The following RNASEH1 variants were observed in gnomAD, a reference collection of about 807,000 sequenced individuals.
The protein encoded by RNASEH1 is ribonuclease H type II.
In RNASEH1, 27 loss-of-function variants were observed where a neutral mutation model predicts 34.6. The ratio of observed to expected loss-of-function variants is 0.78; its 90% confidence interval spans 0.58 to 1.08. The LOEUF is 1.08. RNASEH1 is among the 50% of genes least tolerant of loss of function. The probability of loss-of-function intolerance (pLI) is 0.00; values close to 1 mark genes in which losing one functional copy is unlikely to be tolerated. For synonymous variants in RNASEH1, 162 were observed against 138.4 expected (o/e 1.17, Z -1.20); for missense variants, 349 against 373.6 (o/e 0.93, Z 0.54).
rs1186132850 is a variant in RNASEH1, at chr2:3,556,780, G to A, written c.244+9C>T. On this transcript the variant is annotated intron_variant, in intron 2 of 7. Coordinates refer to ENST00000315212, the MANE Select transcript of RNASEH1 (RefSeq NM_002936.6). The stretch of plus-strand genomic sequence containing the variant: ...GTTAAAATGTCACACTGATATGAGA[G>A]GTGACTACCTTCTGAAACTTCCGGG... The A allele has an allele frequency of 2.5e-6, 4 of 1,579,234 alleles. No homozygotes were observed. The highest frequency in any genetic ancestry group is 3.5e-6 in the Non-Finnish European group (4 of 1,148,274).
intron 7 of RNASEH1, 44 bp from the exon 8 acceptor site, chr2:3,545,915 A>C (rs1394740512): frequency 2.2e-6 from 3 of 1,344,570 alleles, no homozygotes; most frequent in Non-Finnish European, 3.2e-6. Context: ...TCATCTTTAC[A>C]TAAGCAACAC....
At chr2:3,532,517 G>A in the RNASEH1 span, among the ~76,000 whole-genome samples, 1 of 152,154 alleles carries the variant, frequency 6.6e-6, no homozygotes, top group Admixed American at 6.5e-5. Context: ...ACCCCTAGAT[G>A]GTACAGCCCA....
intron 5 of RNASEH1, 94 bp downstream of exon 5, chr2:3,548,964 A>G (rs1398979250): frequency 1.9e-6 from 2 of 1,040,516 alleles, no homozygotes; most frequent in Admixed American, 2.1e-5. Flanking sequence ...CAAATATCTT[A>G]TATGTATAGG....
the RNASEH1 span, chr2:3,534,058 A>C: frequency 6.6e-6 from 1 of 152,008 alleles, no homozygotes; most frequent in Non-Finnish European, 1.5e-5. Flanking sequence ...GCCCATAAAA[A>C]CCCTGGACTC....
At chr2:3,534,637 G>A in the RNASEH1 span, among the ~76,000 whole-genome samples, 1 of 152,260 alleles carries the variant, frequency 6.6e-6, no homozygotes, top group Admixed American at 6.5e-5. Flanking sequence ...TGTGGCAAGC[G>A]TGGGATCTGG....
At chr2:3,550,207 G>C in intron 4 of RNASEH1, 166 bp downstream of exon 4, 1 of 465,538 alleles carries the variant, frequency 2.1e-6, no homozygotes, top group South Asian at 2.5e-5. Context: ...GTTCTGAAAA[G>C]CAATGCCGCT....
At chr2:3,548,138 T>C in intron 6 of RNASEH1, 83 bp from the exon 7 acceptor site, 1 of 1,508,256 alleles carries the variant, frequency 6.6e-7, no homozygotes, top group African/African-American at 1.4e-5. Context: ...TTATAATTGA[T>C]CCCACTTGTA....
chr2:3,549,718 G>A (rs1669096056), intron 4 of RNASEH1, among the ~76,000 whole-genome samples: 1 of 151,952 alleles, frequency 6.6e-6, no homozygotes, highest in East Asian at 1.9e-4. Flanking sequence ...AGGCCGAGGT[G>A]GGCGGATCAC....
intron 3 of RNASEH1, among the ~76,000 whole-genome samples, chr2:3,551,712 GA>G (rs1659931455): frequency 6.6e-6 from 1 of 152,224 alleles, no homozygotes; most frequent in Non-Finnish European, 1.5e-5. Flanking sequence ...AAAGGTAGCA[GA>G]AAAGTTCACT....
At chr2:3,550,975 G>A (rs894147543) in intron 3 of RNASEH1, among the ~76,000 whole-genome samples, 1 of 152,224 alleles carries the variant, frequency 6.6e-6, no homozygotes, top group African/African-American at 2.4e-5. Context: ...CCTCTAGATA[G>A]AGGGTATGAT....
chr2:3,554,388 G>C (rs902956548), intron 2 of RNASEH1, among the ~76,000 whole-genome samples: 1 of 152,136 alleles, frequency 6.6e-6, no homozygotes, highest in Non-Finnish European at 1.5e-5. Context: ...AAACACACTT[G>C]TCAGTTAAGT....
intron 7 of RNASEH1, 125 bp downstream of exon 7, chr2:3,547,805 AC>A: frequency 1.0e-6 from 1 of 965,006 alleles, no homozygotes; most frequent in Non-Finnish European, 1.6e-6. Flanking sequence ...GTTGTAATAT[AC>A]ATTATGATAT....
In RNASEH1 at chr2:3,545,659, C is replaced by G. The variant is rs998244229; in HGVS notation, c.*126G>C. The G allele has an allele frequency of 1.2e-5, 8 of 689,204 alleles. No homozygotes were observed. The African/African-American group carries it at 1.4e-4, about 12-fold the overall frequency. 42.7% of individuals were successfully genotyped at this position (689,204 alleles called of 1,614,324 possible). A position where few individuals can be genotyped will look rare whatever the true frequency, so the allele number is the denominator to read the frequency against. ...TCACAGAAGGCCACTGTGCCTGATT[C>G]CGTGTGAAAGACGCATCTGCCCATC... On this transcript the variant is annotated 3_prime_UTR_variant, in exon 8 of 8. Coordinates refer to ENST00000315212, the MANE Select transcript of RNASEH1 (RefSeq NM_002936.6).
In RNASEH1 at chr2:3,543,874, A is replaced by G. The variant is rs986115255; in HGVS notation, c.*1911T>C. On this transcript the variant is annotated 3_prime_UTR_variant, in exon 8 of 8. Coordinates refer to ENST00000315212, the MANE Select transcript of RNASEH1 (RefSeq NM_002936.6). Reference sequence around the variant, plus strand: ...TGTGATCCTCCAGCCTCAGCCTCCCAAAGTGCTGGGATTACAGGCATAAGA... The same window carrying G: ...TGTGATCCTCCAGCCTCAGCCTCCCGAAGTGCTGGGATTACAGGCATAAGA... Among the ~76,000 whole-genome samples the G allele has an allele frequency of 6.6e-5, 10 of 152,154 alleles. No individual in the cohort carries two copies. Among genetic ancestry groups the G allele is most frequent in the Non-Finnish European group, 1.3e-4 (9 of 68,026 alleles).
At chr2:3,538,301 G>A (rs1462585794), downstream of RNASEH1, among the ~76,000 whole-genome samples, 2 of 151,688 alleles carry the variant, frequency 1.3e-5, no homozygotes, top group Admixed American at 6.6e-5. Context: ...GCAGTGAGCC[G>A]AGATGGCACC....
intron 7 of RNASEH1, 62 bp from the exon 8 acceptor site, chr2:3,545,933 T>C (rs1668708143): frequency 8.3e-7 from 1 of 1,203,182 alleles, no homozygotes; most frequent in African/African-American, 1.5e-5. Context: ...CACATGACTA[T>C]ATTGTCATCA....
intron 3 of RNASEH1, among the ~76,000 whole-genome samples, chr2:3,551,536 T>C (rs1572317474): frequency 6.6e-6 from 1 of 152,248 alleles, no homozygotes; most frequent in African/African-American, 2.4e-5. Flanking sequence ...ATAATACAGC[T>C]TGGCAAAACA....
chr2:3,532,397 G>C, the RNASEH1 span: 7 of 701,356 alleles, frequency 1.0e-5, 1 homozygote, highest in South Asian at 1.0e-4. Flanking sequence ...CATTATTTCA[G>C]TCACTCACTG....
At chr2:3,554,716 C>G (rs566956906) in intron 2 of RNASEH1, among the ~76,000 whole-genome samples, 131 of 151,976 alleles carry the variant, frequency 8.6e-4, no homozygotes, top group Non-Finnish European at 1.5e-3. Context: ...ACTTGAGATA[C>G]AAATAAATTA....
Sources: gnomAD v4.1 joint callset for allele counts (sites outside exome capture counted in the v4.1 genomes callset) on GRCh38, gnomAD v4.1.1 for gene constraint, MANE v1.5 for transcripts, NCBI Gene and HGNC (gene_info 2026-07-23, HGNC 2026-07-21) for gene names.